Variants in MEGF10 observed in about 807,000 individuals in gnomAD.
MEGF10 encodes multiple epidermal growth factor-like domains protein 10.
MEGF10 carries 86 observed loss-of-function variants against 147.5 expected under a neutral mutation model. The ratio of observed to expected loss-of-function variants is 0.58; its 90% CI spans 0.49 to 0.70. MEGF10 has a LOEUF of 0.70. Ranked by LOEUF, MEGF10 falls within the 30% of genes least tolerant of loss-of-function variation. The probability of loss-of-function intolerance (pLI) is 0.00; values close to 1 mark genes in which losing one functional copy is unlikely to be tolerated. For missense variants in MEGF10, 1,329 were observed against 1,487.3 expected (o/e 0.89, Z 1.75); for synonymous variants, 478 against 525.5 (o/e 0.91, Z 1.24).
chr5:127,438,915 A>T (rs1263411062), intron 17 of MEGF10, among the ~76,000 whole-genome samples: 1 of 152,224 alleles, frequency 6.6e-6, no homozygotes, highest in Non-Finnish European at 1.5e-5. Context: ...AAGGTAGAGA[A>T]GACAACAAGC....
At chr5:127,403,991 AT>A (rs1764229017) in intron 8 of MEGF10, among the ~76,000 whole-genome samples, 1 of 152,080 alleles carries the variant, frequency 6.6e-6, no homozygotes, top group Non-Finnish European at 1.5e-5. Context: ...AGGTAGCTCA[AT>A]TTTTAGTTTT....
chr5:127,387,310 T>C (rs1415088045), intron 5 of MEGF10, among the ~76,000 whole-genome samples: 1 of 152,214 alleles, frequency 6.6e-6, no homozygotes, highest in Non-Finnish European at 1.5e-5. Context: ...TACTAGATTC[T>C]CTCCATGTGT....
intron 2 of MEGF10, among the ~76,000 whole-genome samples, chr5:127,333,071 A>G (rs1178222472): frequency 6.6e-6 from 1 of 152,168 alleles, no homozygotes; most frequent in Non-Finnish European, 1.5e-5. Flanking sequence ...TTTGATTTGA[A>G]AGGGAAGGGG....
chr5:127,287,529 TTGTG>T (rs1473181634), upstream of MEGF10, among the ~76,000 whole-genome samples: 1 of 152,002 alleles, frequency 6.6e-6, no homozygotes, highest in Non-Finnish European at 1.5e-5. Flanking sequence ...ATTTTTTAAA[TTGTG>T]TGTAATACTG....
chr5:127,388,474 G>C (rs1343413649), intron 5 of MEGF10, among the ~76,000 whole-genome samples: 1 of 151,408 alleles, frequency 6.6e-6, no homozygotes, highest in Non-Finnish European at 1.5e-5. Context: ...TCAACTTCTA[G>C]AAGCTCTTCA....
At chr5:127,327,953 G>T (rs978808426) in intron 1 of MEGF10, among the ~76,000 whole-genome samples, 1 of 152,142 alleles carries the variant, frequency 6.6e-6, no homozygotes, top group African/African-American at 2.4e-5. Flanking sequence ...CTGACCTCAG[G>T]TGATCCACCC....
intron 4 of MEGF10, among the ~76,000 whole-genome samples, chr5:127,356,596 A>C (rs1040657649): frequency 4.6e-5 from 7 of 152,236 alleles, no homozygotes; most frequent in African/African-American, 1.7e-4. Flanking sequence ...AAGCTAAAAA[A>C]CAATAGCTAA....
rs540592115 is a variant in MEGF10 at position 127,424,601 on chromosome 5, G to C, written c.1693+1829G>C. On this transcript the variant is annotated intron_variant, in intron 13 of 24. Transcript: ENST00000503335. ...CTAAAGGAGTAAACTGAGATGAACT[G>C]TCATGTGCTTGATTTCTAGTGTCTG... The C allele has an allele frequency of 7.5e-5, 99 of 1,320,466 alleles. 1 individual carries two copies. In the South Asian group the frequency reaches 1.7e-3, roughly 22 times the overall value. The allele number at this position is 1,320,466 out of a possible 1,614,324, so 81.8% of individuals were successfully genotyped here. A position where few individuals can be genotyped will look rare whatever the true frequency, so the allele number is the denominator to read the frequency against.
chr5:127,437,981 A>G (rs79175845), intron 16 of MEGF10, among the ~76,000 whole-genome samples: 1 of 152,116 alleles, frequency 6.6e-6, no homozygotes, highest in Non-Finnish European at 1.5e-5. Context: ...TATCCTCCTT[A>G]TGTTTTTTCA....
In MEGF10 at chr5:127,455,464, A is replaced by G. The variant is rs1433266858; in HGVS notation, c.3089A>G (p.Tyr1030Cys). The part of the protein sequence containing the change: ...NCSLSSSENP[Y>C]ATIKDPPVLI... ...TCCCTAAGCAGTTCTGAGAACCCAT[A>G]TGCCACTATTAAAGACCCACCTGTA... Residue 1030 changes from tyrosine to cysteine, a missense_variant, in exon 24 of 25, where the codon TAT becomes TGT. Around this residue, in one of 3 missense-constraint regions of MEGF10, gnomAD observed 343 missense variants for 377.9 expected, o/e 0.91. Coordinates refer to ENST00000503335, the MANE Select transcript of MEGF10 (RefSeq NM_001256545.2). The G allele has an allele frequency of 4.3e-6, 7 of 1,614,008 alleles. No individual in the cohort carries two copies. Among genetic ancestry groups the G allele is most frequent in the African/African-American group, 1.3e-5 (1 of 74,916 alleles).
the MEGF10 span, among the ~76,000 whole-genome samples, chr5:127,266,023 AG>A: frequency 1.3e-5 from 2 of 152,188 alleles, no homozygotes; most frequent in Middle Eastern, 3.4e-3. Flanking sequence ...GGCATTGCCT[AG>A]GTTTTCTTCT....
chr5:127,248,514 G>A, the MEGF10 span, among the ~76,000 whole-genome samples: 1 of 151,972 alleles, frequency 6.6e-6, no homozygotes, highest in African/African-American at 2.4e-5. Context: ...GGACAGGTAG[G>A]AAATCTCAAA....
At chr5:127,389,555 G>T (rs1184730673) in intron 5 of MEGF10, among the ~76,000 whole-genome samples, 1 of 152,098 alleles carries the variant, frequency 6.6e-6, no homozygotes, top group South Asian at 2.1e-4. Context: ...ATAAAGAAAA[G>T]GTGCTACAAA....
rs112260205 is a variant in MEGF10, at chr5:127,405,699, G to GA, written c.917+3019dup. ...CCCTGTCTTGTTTCCAAATTTATTG[G>GA]AATGGCTTCAGTATAGTCTCATGTT... On this transcript the variant is annotated intron_variant, in intron 8 of 24. Transcript: ENST00000503335. Among the ~76,000 whole-genome samples the GA allele has an allele frequency of 5.2e-3, 788 of 152,184 alleles. 6 individuals carry two copies. Among genetic ancestry groups the GA allele is most frequent in the African/African-American group, 0.018 (734 of 41,522 alleles).
At chr5:127,267,146 TG>T in the MEGF10 span, among the ~76,000 whole-genome samples, 1 of 152,254 alleles carries the variant, frequency 6.6e-6, no homozygotes, top group Non-Finnish European at 1.5e-5. Flanking sequence ...TGTTGAATTT[TG>T]TCAAAGACCT....
At chr5:127,318,788 C>T (rs1561567855) in intron 1 of MEGF10, among the ~76,000 whole-genome samples, 1 of 151,980 alleles carries the variant, frequency 6.6e-6, no homozygotes, top group Non-Finnish European at 1.5e-5. Context: ...TATGTATGCC[C>T]AATTGCAAAC....
intron 1 of MEGF10, among the ~76,000 whole-genome samples, chr5:127,310,886 C>G (rs776119005): frequency 2.0e-5 from 3 of 152,104 alleles, no homozygotes; most frequent in Non-Finnish European, 2.9e-5. Flanking sequence ...TGCCATTTGT[C>G]TAAGAAGGCT....
intron 8 of MEGF10, among the ~76,000 whole-genome samples, chr5:127,408,621 A>T (rs993615607): frequency 6.6e-6 from 1 of 152,224 alleles, no homozygotes; most frequent in Non-Finnish European, 1.5e-5. Flanking sequence ...TATTAGGTCA[A>T]TTACTCCATA....
chr5:127,305,532 C>T (rs1759973358), intron 1 of MEGF10, among the ~76,000 whole-genome samples: 1 of 152,078 alleles, frequency 6.6e-6, no homozygotes. Context: ...GAGAGTTCCT[C>T]ACTATAGCTA....
Sources: gnomAD v4.1 joint callset for allele counts (sites outside exome capture counted in the v4.1 genomes callset) on GRCh38, gnomAD v4.1.1 for gene constraint, gnomAD v4.1.1 regional missense constraint, MANE v1.5 for transcripts, NCBI Gene and HGNC (gene_info 2026-07-23, HGNC 2026-07-21) for gene names.